GATAD2B: variants seen among roughly 807,000 people sequenced by gnomAD.
GATAD2B encodes GATA zinc finger domain containing 2B.
A neutral mutation model predicts 64.3 loss-of-function variants in GATAD2B; 8 were observed. The ratio of observed to expected loss-of-function variants is 0.12; its 90% CI spans 0.07 to 0.22. The LOEUF is 0.22. Among genes scored for constraint, GATAD2B ranks in the 10% least tolerant of loss-of-function variants. The pLI, the probability that GATAD2B is intolerant of heterozygous loss-of-function variation, is 1.00. For synonymous variants in GATAD2B, 281 were observed against 271.3 expected (o/e 1.04, Z -0.35); for missense variants, 453 against 752.0 (o/e 0.60, Z 4.65).
At chr1:153,883,437 G>T (rs1426745573) in intron 1 of GATAD2B, among the ~76,000 whole-genome samples, 2 of 152,174 alleles carry the variant, frequency 1.3e-5, no homozygotes, top group Non-Finnish European at 2.9e-5. Context: ...TCACAATAAG[G>T]TCCTCTTAAT....
At chr1:153,814,684 G>T (rs370293701) in intron 7 of GATAD2B, among the ~76,000 whole-genome samples, 1 of 152,040 alleles carries the variant, frequency 6.6e-6, no homozygotes, top group Admixed American at 6.6e-5. Context: ...TGAGACAAAA[G>T]AATTGCTTGC....
intron 1 of GATAD2B, among the ~76,000 whole-genome samples, chr1:153,879,274 C>G (rs1244211728): frequency 6.6e-6 from 1 of 151,934 alleles, no homozygotes; most frequent in African/African-American, 2.4e-5. Flanking sequence ...AGGGTTTCAC[C>G]TTGTTGGCCA....
At chr1:153,841,265 C>G (rs778481286) in intron 1 of GATAD2B, among the ~76,000 whole-genome samples, 39 of 152,066 alleles carry the variant, frequency 2.6e-4, no homozygotes, top group Middle Eastern at 3.4e-3. Context: ...AACATTGATA[C>G]AATAAGCAGA....
intron 1 of GATAD2B, among the ~76,000 whole-genome samples, chr1:153,878,480 GA>G (rs1467545818): frequency 6.6e-6 from 1 of 151,602 alleles, no homozygotes; most frequent in Non-Finnish European, 1.5e-5. Flanking sequence ...CTAACAAAAG[GA>G]AAAAAAGCAC....
intron 1 of GATAD2B, among the ~76,000 whole-genome samples, chr1:153,873,446 A>G (rs1676730272): frequency 6.6e-6 from 1 of 152,186 alleles, no homozygotes; most frequent in African/African-American, 2.4e-5. Flanking sequence ...CCATTCTCAG[A>G]TTAATGGGTT....
intron 1 of GATAD2B, among the ~76,000 whole-genome samples, chr1:153,917,011 T>C (rs1678287361): frequency 6.6e-6 from 1 of 150,844 alleles, no homozygotes; most frequent in Admixed American, 6.6e-5. Flanking sequence ...TTTCACCATT[T>C]TGGCCAGGCG....
rs1048653009 is a variant in GATAD2B, at chr1:153,870,809, T to C, written c.-1-42461A>G. On this transcript the variant is annotated intron_variant, in intron 1 of 10. Transcript: ENST00000368655. ...TCCCAAAATCCAAAAAAATCCAACA[T>C]TGGAAACACTTCTGGTTTCAGGCAT... is the stretch of plus-strand genomic sequence containing the variant. Among the ~76,000 whole-genome samples the C allele has an allele frequency of 7.2e-5, 11 of 152,256 alleles. No homozygotes were observed. The East Asian group carries it at 7.7e-4, about 11-fold the overall frequency.
At chr1:153,866,269 AATGTT>A (rs1676473845) in intron 1 of GATAD2B, among the ~76,000 whole-genome samples, 1 of 152,012 alleles carries the variant, frequency 6.6e-6, no homozygotes, top group Non-Finnish European at 1.5e-5. Context: ...GAGAGGTGAG[AATGTT>A]ATAAGTATAG....
intron 1 of GATAD2B, among the ~76,000 whole-genome samples, chr1:153,893,336 C>T (rs1677479977): frequency 6.6e-6 from 1 of 152,102 alleles, no homozygotes; most frequent in Non-Finnish European, 1.5e-5. Context: ...TGGGCACGGG[C>T]CGGCTCACAT....
In GATAD2B at chr1:153,810,143, A is replaced by C; in HGVS notation, c.*34T>G. On this transcript the variant is annotated 3_prime_UTR_variant, in exon 11 of 11. Coordinates refer to ENST00000368655, the MANE Select transcript of GATAD2B (RefSeq NM_020699.4). Reference sequence around the variant, plus strand: ...GAATGAAAGAGGAAAGGGATAAAGGATTCAAGGATGGGGCAGTACAAGTGG... The same window carrying C: ...GAATGAAAGAGGAAAGGGATAAAGGCTTCAAGGATGGGGCAGTACAAGTGG... 1 of 1,589,070 alleles carries C rather than the reference A, an allele frequency of 6.3e-7. No individual in the cohort carries two copies. The highest frequency in any genetic ancestry group is 8.6e-7 in the Non-Finnish European group (1 of 1,166,194).
At chr1:153,847,413 C>T (rs1675726514) in intron 1 of GATAD2B, among the ~76,000 whole-genome samples, 1 of 152,108 alleles carries the variant, frequency 6.6e-6, no homozygotes, top group Non-Finnish European at 1.5e-5. Flanking sequence ...GAGATGGAGT[C>T]TCCCTCTATC....
rs560920778 is a variant in GATAD2B, at chr1:153,873,458, T to C, written c.-1-45110A>G. 5.3e-5 allele frequency among the ~76,000 whole-genome samples: 8 copies of C among 152,312 alleles called. No homozygotes were observed. The South Asian group carries it at 1.7e-3, about 32-fold the overall frequency. On this transcript the variant is annotated intron_variant, in intron 1 of 10. Coordinates refer to ENST00000368655, the MANE Select transcript of GATAD2B (RefSeq NM_020699.4). ...GAGCCATTCTCAGATTAATGGGTTATTCAGAGAAGGGGCTAGTTAGCACAA... is the reference window on the plus strand; with the variant it reads ...GAGCCATTCTCAGATTAATGGGTTACTCAGAGAAGGGGCTAGTTAGCACAA...
rs1453978492 is a variant in GATAD2B, at chr1:153,892,142, C to T, written c.-2+30591G>A. On this transcript the variant is annotated intron_variant, in intron 1 of 10. Transcript: ENST00000368655. ...ATCATTTCACTGCACTCTAGCCTGG[C>T]AACAGAGTGAGACTCCGTCTCAAAA... 5.3e-5 allele frequency among the ~76,000 whole-genome samples: 6 copies of T among 113,594 alleles called. No homozygotes were observed. In the South Asian group the frequency reaches 8.5e-4, roughly 16 times the overall value. The allele number at this position is 113,594 out of a possible 152,430, so 74.5% of individuals were successfully genotyped here.
intron 1 of GATAD2B, among the ~76,000 whole-genome samples, chr1:153,840,120 C>T (rs1244000889): frequency 6.8e-6 from 1 of 146,578 alleles, no homozygotes. Context: ...GCTACCTCCG[C>T]CTCCCAGGTT....
intron 1 of GATAD2B, among the ~76,000 whole-genome samples, chr1:153,857,370 C>G (rs2101916493): frequency 6.6e-6 from 1 of 152,044 alleles, no homozygotes; most frequent in East Asian, 1.9e-4. Flanking sequence ...CGCTTGAACC[C>G]GGGAGGCGGA....
At chr1:153,854,192 G>A (rs561538260) in intron 1 of GATAD2B, among the ~76,000 whole-genome samples, 1 of 152,230 alleles carries the variant, frequency 6.6e-6, no homozygotes, top group African/African-American at 2.4e-5. Context: ...CGTGAGGTCA[G>A]GAGATCGAGA....
Position 153,867,568 on chromosome 1 carries a change from A to C in GATAD2B, c.-1-39220T>G, listed in dbSNP as rs933331690. Among the ~76,000 whole-genome samples, 3 of 152,238 alleles carry C rather than the reference A, an allele frequency of 2.0e-5. No homozygotes were observed. The South Asian group carries it at 6.2e-4, about 32-fold the overall frequency. The stretch of plus-strand genomic sequence containing the variant: ...AGAGAGCAGTAACTAAAAGAGTCAC[A>C]TAAGAGGCCAGGCGCGGTGGCTCAC... On this transcript the variant is annotated intron_variant, in intron 1 of 10. Transcript: ENST00000368655.
Position 153,828,145 on chromosome 1 carries a change from T to A in GATAD2B, c.203A>T (p.Asp68Val), listed in dbSNP as rs992162898. The A allele has an allele frequency of 6.2e-7, 1 of 1,614,068 alleles. No homozygotes were observed. The highest frequency in any genetic ancestry group is 1.3e-5 in the African/African-American group (1 of 74,924). The change falls in exon 2 of 11, where the codon GAT becomes GTT. Residue 68 changes from aspartate to valine, a missense_variant. Transcript: ENST00000368655. Reference protein sequence around the residue: ...EVPHELPTKQDGSGVKGYEEK... With the variant: ...EVPHELPTKQVGSGVKGYEEK... ...TTCATAGCCCTTGACACCACTGCCA[T>A]CCTGTTTGGTGGGTAACTCATGTGG...
chr1:153,898,600 G>A (rs778230108), intron 1 of GATAD2B, among the ~76,000 whole-genome samples: 11 of 151,438 alleles, frequency 7.3e-5, no homozygotes, highest in Admixed American at 2.6e-4. Flanking sequence ...GTGTGCCAGT[G>A]CACGCCTGTA....
Sources: gnomAD v4.1 joint callset for allele counts (sites outside exome capture counted in the v4.1 genomes callset) on GRCh38, gnomAD v4.1.1 for gene constraint, MANE v1.5 for transcripts, NCBI Gene and HGNC (gene_info 2026-07-23, HGNC 2026-07-21) for gene names.